CCL7: variants seen among roughly 807,000 people sequenced by gnomAD.
The protein encoded by CCL7 is C-C motif chemokine ligand 7.
CCL7 carries 8 observed loss-of-function variants against 7.1 expected under a neutral mutation model. The ratio of observed to expected loss-of-function variants is 1.13; its 90% CI spans 0.66 to 2.04. The LOEUF (loss-of-function observed/expected upper bound fraction) is 2.04, where lower values mean the gene tolerates loss of function less well. CCL7 is among the 30% of genes most tolerant of loss of function. CCL7 has a pLI of 0.00. For synonymous variants in CCL7, 46 were observed against 41.2 expected, an observed-to-expected ratio of 1.12 and a Z score of -0.45; for missense variants, 134 against 113.6, an observed-to-expected ratio of 1.18 and a Z score of -0.82.
intron 1 of CCL7, 83 bp from the exon 2 acceptor site, chr17:34,271,060 CCTT>C: frequency 6.3e-7 from 1 of 1,591,328 alleles, no homozygotes; most frequent in African/African-American, 1.3e-5. Context: ...CTTTCTGATT[CCTT>C]CTTCTTACCA....
At position 34,272,071 on chromosome 17, in the gene CCL7, C is replaced by T. The variant is rs200134211; in HGVS notation, c.*269C>T. On this transcript the variant is annotated 3_prime_UTR_variant, in exon 3 of 3. Transcript: ENST00000378569. ...GCTGTAAAAACTGTGGGATGCTCCT[C>T]CCTTCTCTACCTCATGGGGGTATTG... 1.2e-5 allele frequency: 4 copies of T among 341,784 alleles called. No homozygotes were observed. Among genetic ancestry groups the T allele is most frequent in the Non-Finnish European group, 2.1e-5 (4 of 188,518 alleles). The allele number at this position is 341,784 out of a possible 1,614,324, so 21.2% of individuals were successfully genotyped here.
At chr17:34,271,328 A>G in intron 2 of CCL7, 65 bp downstream of exon 2, 1 of 1,296,666 alleles carries the variant, frequency 7.7e-7, no homozygotes, top group South Asian at 1.3e-5. Context: ...GGCAGGGAAT[A>G]GGACTAGTAT....
intron 1 of CCL7, among the ~76,000 whole-genome samples, 195 bp downstream of exon 1, chr17:34,270,561 T>A (rs775706964): frequency 6.6e-6 from 1 of 152,226 alleles, no homozygotes; most frequent in African/African-American, 2.4e-5. Context: ...GAATTCCAGC[T>A]GTGAACCCCA....
chr17:34,271,057 A>G lies in CCL7; in HGVS notation c.77-89A>G, dbSNP rs781722357. Reference sequence around the variant, plus strand: ...CCCTCCACCTCTTCCTTTCTTTCTGATTCCTTCTTCTTACCATTCCCTGTT... The same window carrying G: ...CCCTCCACCTCTTCCTTTCTTTCTGGTTCCTTCTTCTTACCATTCCCTGTT... On this transcript the variant is annotated intron_variant, in intron 1 of 2. Transcript: ENST00000378569. 14 of 1,587,738 alleles carry G rather than the reference A, an allele frequency of 8.8e-6. No individual in the cohort carries two copies. The African/African-American group carries it at 1.8e-4, about 20-fold the overall frequency.
intron 1 of CCL7, 135 bp from the exon 2 acceptor site, chr17:34,271,011 G>A: frequency 6.5e-7 from 1 of 1,532,906 alleles, no homozygotes; most frequent in Non-Finnish European, 8.8e-7. Context: ...AGAGACATTG[G>A]GTTTGGGATG....
At chr17:34,271,071 C>A in intron 1 of CCL7, 75 bp from the exon 2 acceptor site, 1 of 1,600,570 alleles carries the variant, frequency 6.2e-7, no homozygotes, top group Non-Finnish European at 8.5e-7. Flanking sequence ...CTTCTTCTTA[C>A]CATTCCCTGT....
chr17:34,271,237 T>G lies in CCL7; in HGVS notation c.168T>G (p.Ser56Arg). ...TGGAGAGCTACAGAAGGACCACCAG[T>G]AGCCACTGTCCCCGGGAAGCTGTAA... The part of the protein sequence containing the change: ...QRLESYRRTT[S>R]SHCPREAVIF... Residue 56 changes from serine (S) to arginine (R), a missense_variant, in exon 2 of 3, where the codon AGT (serine) becomes AGG (arginine). Ser to Arg is a moderately radical substitution (Grantham distance 110). Coordinates refer to ENST00000378569, the MANE Select transcript of CCL7 (RefSeq NM_006273.4). 1.9e-6 allele frequency: 3 copies of G among 1,614,056 alleles called. No individual in the cohort carries two copies. Among genetic ancestry groups the G allele is most frequent in the Non-Finnish European group, 2.5e-6 (3 of 1,179,994 alleles).
Position 34,271,264 on chromosome 17 carries a change from G to C in CCL7, c.194+1G>C, listed in dbSNP as rs1567644468. The C allele has an allele frequency of 6.2e-7, 1 of 1,612,790 alleles. No individual in the cohort carries two copies. Among genetic ancestry groups the C allele is most frequent in the Non-Finnish European group, 8.5e-7 (1 of 1,179,008 alleles). ...GCCACTGTCCCCGGGAAGCTGTAAT[G>C]TATGTGGACGATGACCACCCACCCC... is the stretch of plus-strand genomic sequence containing the variant. On this transcript the variant is annotated splice_donor_variant, in intron 2 of 2. Transcript: ENST00000378569. LOFTEE classifies it high-confidence loss of function.
Position 34,271,733 on chromosome 17 carries a change from C to A in CCL7, c.231C>A (p.Asp77Glu). 6.2e-7 allele frequency: 1 copy of A among 1,612,704 alleles called. No individual in the cohort carries two copies. The highest frequency in any genetic ancestry group is 8.5e-7 in the Non-Finnish European group (1 of 1,179,444). ...KTKLDKEICA[D>E]PTQKWVQDFM... ...AACTGGACAAGGAGATCTGTGCTGA[C>A]CCCACACAGAAGTGGGTCCAGGACT... Residue 77 changes from aspartate (D) to glutamate (E), a missense_variant, in exon 3 of 3, where the codon GAC becomes GAA. Transcript: ENST00000378569.
rs1471181886 is a variant in CCL7 at position 34,271,942 on chromosome 17, G to T, written c.*140G>T. Reference sequence around the variant, plus strand: ...GCTTTATGTAATAATGTGAATCATGGTTTTTCTTAGTAGATTTTAAAAGTT... The same window carrying T: ...GCTTTATGTAATAATGTGAATCATGTTTTTTCTTAGTAGATTTTAAAAGTT... On this transcript the variant is annotated 3_prime_UTR_variant, in exon 3 of 3. Transcript: ENST00000378569. 6.7e-6 allele frequency: 4 copies of T among 592,916 alleles called. No homozygotes were observed. Among genetic ancestry groups the T allele is most frequent in the East Asian group, 3.3e-5 (1 of 30,456 alleles). The allele number at this position is 592,916 out of a possible 1,614,324, so 36.7% of individuals were successfully genotyped here. A position where few individuals can be genotyped will look rare whatever the true frequency, so the allele number is the denominator to read the frequency against.
chr17:34,271,281 A>G lies in CCL7; in HGVS notation c.194+18A>G, dbSNP rs779338048. ...GCTGTAATGTATGTGGACGATGACCACCCACCCCTCACACCTCAGTCCTAG... is the reference window on the plus strand; with the variant it reads ...GCTGTAATGTATGTGGACGATGACCGCCCACCCCTCACACCTCAGTCCTAG... On this transcript the variant is annotated intron_variant, in intron 2 of 2. Transcript: ENST00000378569. 6.2e-7 allele frequency: 1 copy of G among 1,601,542 alleles called. No individual in the cohort carries two copies. The highest frequency in any genetic ancestry group is 1.1e-5 in the South Asian group (1 of 90,434).
intron 2 of CCL7, 132 bp downstream of exon 2, chr17:34,271,395 G>A: frequency 1.3e-6 from 1 of 751,754 alleles, no homozygotes; most frequent in South Asian, 1.9e-5. Context: ...CCTTATCCCA[G>A]ACATTTGCCA....
At position 34,270,320 on chromosome 17, in the gene CCL7, G is replaced by C. The variant is rs1157411569; in HGVS notation, c.30G>C (p.Leu10=). 2 of 1,614,182 alleles carry C rather than the reference G, an allele frequency of 1.2e-6. No homozygotes were observed. Among genetic ancestry groups the C allele is most frequent in the Non-Finnish European group, 1.7e-6 (2 of 1,180,038 alleles). The part of the protein sequence containing the change: MKASAALLC[L]LLTAAAFSPQ... Reference sequence around the variant, plus strand: ...AAGCCTCTGCAGCACTTCTGTGTCTGCTGCTCACAGCAGCTGCTTTCAGCC... The same window carrying C: ...AAGCCTCTGCAGCACTTCTGTGTCTCCTGCTCACAGCAGCTGCTTTCAGCC... The change falls in exon 1 of 3, where the codon CTG becomes CTC. Residue 10 remains leucine, a synonymous_variant. Coordinates refer to ENST00000378569, the MANE Select transcript of CCL7 (RefSeq NM_006273.4).
rs200276362 is a variant in CCL7, at chr17:34,272,153, T to A, written c.*351T>A. 1 of 175,198 alleles carries A rather than the reference T, an allele frequency of 5.7e-6. No individual in the cohort carries two copies. Among genetic ancestry groups the A allele is most frequent in the South Asian group, 1.4e-4 (1 of 7,180 alleles). The allele number at this position is 175,198 out of a possible 1,614,324, so 10.9% of individuals were successfully genotyped here. ...TTGCTTTAATTGTTAAGATATGATG[T>A]CCCTATGGAAGCATATTGTTATTAT... On this transcript the variant is annotated 3_prime_UTR_variant, in exon 3 of 3. Coordinates refer to ENST00000378569, the MANE Select transcript of CCL7 (RefSeq NM_006273.4).
chr17:34,271,028 T>C (rs1908122584), intron 1 of CCL7, 118 bp from the exon 2 acceptor site: 2 of 1,555,214 alleles, frequency 1.3e-6, no homozygotes, highest in African/African-American at 1.4e-5. Flanking sequence ...GATGGGCAGC[T>C]TTTCCCTCCA....
In CCL7 at chr17:34,271,891, T is replaced by A. The variant is rs915316577; in HGVS notation, c.*89T>A. The A allele has an allele frequency of 2.7e-6, 2 of 750,138 alleles. No homozygotes were observed. Among genetic ancestry groups the A allele is most frequent in the African/African-American group, 1.8e-5 (1 of 55,272 alleles). 46.5% of individuals were successfully genotyped at this position (750,138 alleles called of 1,614,324 possible). On this transcript the variant is annotated 3_prime_UTR_variant, in exon 3 of 3. Coordinates refer to ENST00000378569, the MANE Select transcript of CCL7 (RefSeq NM_006273.4). ...CTTTCTCAGAGTGGTTCTGAGATTA[T>A]TTTAATCTAATTCTAAGGAATATGA...
intron 2 of CCL7, among the ~76,000 whole-genome samples, 164 bp from the exon 3 acceptor site, chr17:34,271,533 C>T (rs1454600503): frequency 1.3e-5 from 2 of 152,212 alleles, no homozygotes; most frequent in African/African-American, 4.8e-5. Flanking sequence ...CCAAAAAGAG[C>T]TGCTTCTCTG....
Position 34,271,811 on chromosome 17 carries a change from G to A in CCL7, c.*9G>A. ...AAACTCCAAAGCTTTGAACATTCAT[G>A]ACTGAACTGAAAACAAGCCATGACT... On this transcript the variant is annotated 3_prime_UTR_variant, in exon 3 of 3. Transcript: ENST00000378569. 5 of 1,565,794 alleles carry A rather than the reference G, an allele frequency of 3.2e-6. No homozygotes were observed. The highest frequency in any genetic ancestry group is 4.4e-6 in the Non-Finnish European group (5 of 1,138,952).
chr17:34,271,016 G>C (rs1908121393), intron 1 of CCL7, 130 bp from the exon 2 acceptor site: 2 of 1,540,720 alleles, frequency 1.3e-6, no homozygotes, highest in African/African-American at 2.8e-5. Flanking sequence ...CATTGGGTTT[G>C]GGATGGGCAG....
Sources: allele counts gnomAD v4.1 joint callset (sites outside exome capture counted in the v4.1 genomes callset), GRCh38; gene constraint gnomAD v4.1.1; transcripts MANE v1.5; gene names NCBI Gene and HGNC (gene_info 2026-07-23, HGNC 2026-07-21).